Variants in OTUD7A observed in about 807,000 individuals in gnomAD.
OTUD7A encodes the protein OTU domain-containing protein 7A.
A neutral mutation model predicts 65.7 loss-of-function variants in OTUD7A; 12 were observed. The ratio of observed to expected loss-of-function variants is 0.18; its 90% CI spans 0.12 to 0.30. The LOEUF is 0.30. OTUD7A is among the 10% of genes least tolerant of loss of function. The pLI, the probability that OTUD7A is intolerant of heterozygous loss-of-function variation, is 1.00. For missense variants in OTUD7A, 1,148 were observed against 1,304.8 expected (o/e 0.88, Z 1.85); for synonymous variants, 641 against 586.3 (o/e 1.09, Z -1.35).
At chr15:31,776,628 AAAGGCAAAG>A (rs1271929963) in intron 1 of OTUD7A, among the ~76,000 whole-genome samples, 1 of 152,204 alleles carries the variant, frequency 6.6e-6, no homozygotes, top group Non-Finnish European at 1.5e-5. Context: ...CAACCCAATT[AAAGGCAAAG>A]ACCCCAAGAC....
chr15:31,814,486 T>C (rs1211336139), intron 1 of OTUD7A, among the ~76,000 whole-genome samples: 2 of 152,126 alleles, frequency 1.3e-5, no homozygotes, highest in African/African-American at 4.8e-5. Flanking sequence ...ACAAGAGCCT[T>C]AACATTTAAG....
chr15:31,567,164 C>T (rs536423149), intron 4 of OTUD7A, among the ~76,000 whole-genome samples: 1 of 152,170 alleles, frequency 6.6e-6, no homozygotes, highest in Non-Finnish European at 1.5e-5. Context: ...TGGTTATGAC[C>T]AAAATACGGA....
chr15:31,699,999 C>A (rs985293955), intron 1 of OTUD7A, among the ~76,000 whole-genome samples: 15 of 151,418 alleles, frequency 9.9e-5, no homozygotes, highest in Non-Finnish European at 1.9e-4. Flanking sequence ...CTCTCCTATC[C>A]CCTGCCTACA....
At chr15:31,615,369 A>G (rs947015504) in intron 3 of OTUD7A, among the ~76,000 whole-genome samples, 1 of 152,234 alleles carries the variant, frequency 6.6e-6, no homozygotes, top group African/African-American at 2.4e-5. Context: ...ATAAAACTTT[A>G]GTAATGACAG....
intron 1 of OTUD7A, among the ~76,000 whole-genome samples, chr15:31,693,632 G>A (rs1595711799): frequency 6.6e-6 from 1 of 152,112 alleles, no homozygotes; most frequent in South Asian, 2.1e-4. Context: ...GTGTGCTAAC[G>A]CTGTGGACAC....
chr15:31,771,991 A>C (rs8041255), intron 1 of OTUD7A, among the ~76,000 whole-genome samples: 1 of 151,998 alleles, frequency 6.6e-6, no homozygotes, highest in African/African-American at 2.4e-5. Flanking sequence ...GGTGGCTCAC[A>C]CCTGTAATCC....
At chr15:31,761,645 A>G (rs1350454787) in intron 1 of OTUD7A, among the ~76,000 whole-genome samples, 1 of 152,206 alleles carries the variant, frequency 6.6e-6, no homozygotes, top group Non-Finnish European at 1.5e-5. Flanking sequence ...TAGAATTCCC[A>G]TATGACCCAG....
At chr15:31,688,610 T>C (rs1219551560) in intron 1 of OTUD7A, among the ~76,000 whole-genome samples, 1 of 152,214 alleles carries the variant, frequency 6.6e-6, no homozygotes, top group Non-Finnish European at 1.5e-5. Context: ...AATATCACTT[T>C]ATCGATATTA....
chr15:31,782,698 C>G (rs1223975371), intron 1 of OTUD7A, among the ~76,000 whole-genome samples: 1 of 152,174 alleles, frequency 6.6e-6, no homozygotes, highest in East Asian at 1.9e-4. Flanking sequence ...TGAATAACTT[C>G]TCGTGACTTC....
chr15:31,817,858 C>A (rs1013888953), intron 1 of OTUD7A, among the ~76,000 whole-genome samples: 16 of 152,224 alleles, frequency 1.1e-4, no homozygotes, highest in Admixed American at 8.5e-4. Context: ...TGTGTCCTTC[C>A]AACATTCGTA....
At chr15:31,655,032 T>A in intron 3 of OTUD7A, 64 bp downstream of exon 3, 1 of 1,549,126 alleles carries the variant, frequency 6.5e-7, no homozygotes, top group Non-Finnish European at 8.7e-7. Flanking sequence ...GTATTGGAAA[T>A]CTTCTTATTT....
intron 10 of OTUD7A, among the ~76,000 whole-genome samples, chr15:31,489,066 A>C (rs1013944407): frequency 6.6e-6 from 1 of 152,218 alleles, no homozygotes; most frequent in Non-Finnish European, 1.5e-5. Flanking sequence ...GGGCTGGCTC[A>C]GGGACAGGTC....
intron 4 of OTUD7A, among the ~76,000 whole-genome samples, chr15:31,568,059 CCA>C (rs1888932111): frequency 6.6e-6 from 1 of 152,232 alleles, no homozygotes. Flanking sequence ...GTTGGAGGCC[CCA>C]CACAGAGTCC....
At chr15:31,760,900 G>A (rs1186710664) in intron 1 of OTUD7A, among the ~76,000 whole-genome samples, 1 of 152,126 alleles carries the variant, frequency 6.6e-6, no homozygotes, top group African/African-American at 2.4e-5. Flanking sequence ...ATTTTGTGGG[G>A]AAAGAACAGG....
chr15:31,793,066 A>T (rs1009572921), intron 1 of OTUD7A, among the ~76,000 whole-genome samples: 9 of 152,136 alleles, frequency 5.9e-5, no homozygotes, highest in Admixed American at 3.9e-4. Flanking sequence ...GATTCGACCC[A>T]TGACACCACT....
intron 1 of OTUD7A, among the ~76,000 whole-genome samples, chr15:31,869,913 G>C (rs889689603): frequency 1.3e-5 from 2 of 152,186 alleles, no homozygotes; most frequent in African/African-American, 4.8e-5. Context: ...ACTAGGGAAG[G>C]CCTCTGGGTT....
At chr15:31,732,715 C>T (rs888200668) in intron 1 of OTUD7A, among the ~76,000 whole-genome samples, 2 of 152,188 alleles carry the variant, frequency 1.3e-5, no homozygotes, top group Admixed American at 6.5e-5. Context: ...GACAGATTCA[C>T]ACTGTGGAAA....
intron 1 of OTUD7A, chr15:31,766,007 A>C (rs1482469271): frequency 1.9e-6 from 3 of 1,550,118 alleles, no homozygotes; most frequent in Admixed American, 1.7e-5. Context: ...CCTGAGCACT[A>C]ATCTGCTTAC....
At chr15:31,847,248 T>C (rs1247714586) in intron 1 of OTUD7A, among the ~76,000 whole-genome samples, 2 of 152,188 alleles carry the variant, frequency 1.3e-5, no homozygotes, top group Non-Finnish European at 2.9e-5. Context: ...ATTCCACCCA[T>C]TCCCAACATG....
Sources: gnomAD v4.1 joint callset for allele counts (sites outside exome capture counted in the v4.1 genomes callset) on GRCh38, gnomAD v4.1.1 for gene constraint, MANE v1.5 for transcripts, NCBI Gene and HGNC (gene_info 2026-07-23, HGNC 2026-07-21) for gene names.